The following VPS54 variants were observed in gnomAD, a reference collection of about 807,000 sequenced individuals.
The protein encoded by VPS54 is vacuolar protein sorting-associated protein 54.
VPS54 carries 45 observed loss-of-function variants against 121.5 expected under a neutral mutation model. The ratio of observed to expected loss-of-function variants is 0.37; its 90% CI spans 0.29 to 0.47. The LOEUF (loss-of-function observed/expected upper bound fraction) is 0.47. Among genes scored for constraint, VPS54 ranks in the 20% least tolerant of loss-of-function variants. The probability of loss-of-function intolerance (pLI) is 0.99; values close to 1 mark genes in which losing one functional copy is unlikely to be tolerated. For missense variants in VPS54, 1,090 were observed against 1,131.4 expected, an observed-to-expected ratio of 0.96 and a Z score of 0.52; for synonymous variants, 371 against 385.8, an observed-to-expected ratio of 0.96 and a Z score of 0.45.
At chr2:63,918,143 C>T (rs758637238) in intron 15 of VPS54, among the ~76,000 whole-genome samples, 39 of 151,936 alleles carry the variant, frequency 2.6e-4, no homozygotes, top group Non-Finnish European at 3.1e-4. Context: ...TAATAGCATA[C>T]ACCTATGCTA....
At chr2:63,948,398 A>G (rs1451718147) in intron 8 of VPS54, among the ~76,000 whole-genome samples, 1 of 149,892 alleles carries the variant, frequency 6.7e-6, no homozygotes, top group Non-Finnish European at 1.5e-5. Context: ...ACCATATGAT[A>G]ATGATCACTT....
chr2:63,946,886 C>G (rs1303486768), intron 9 of VPS54, among the ~76,000 whole-genome samples: 1 of 151,940 alleles, frequency 6.6e-6, no homozygotes, highest in East Asian at 1.9e-4. Context: ...ACTCTCTAAC[C>G]AATACTTCTA....
intron 1 of VPS54, among the ~76,000 whole-genome samples, chr2:64,018,419 T>C (rs1192582050): frequency 6.6e-6 from 1 of 152,120 alleles, no homozygotes; most frequent in Non-Finnish European, 1.5e-5. Flanking sequence ...TATGCAGAGA[T>C]GGAAGGAGGC....
intron 15 of VPS54, among the ~76,000 whole-genome samples, chr2:63,919,297 G>A (rs866519999): frequency 1.1e-4 from 16 of 151,644 alleles, no homozygotes; most frequent in Admixed American, 2.6e-4. Context: ...CTTTCTTTAC[G>A]TTTGGATTTT....
chr2:63,945,601 T>G (rs1674942524), intron 9 of VPS54, among the ~76,000 whole-genome samples: 2 of 152,200 alleles, frequency 1.3e-5, no homozygotes, highest in African/African-American at 4.8e-5. Flanking sequence ...GATTTTTATC[T>G]CTTATGTATC....
At chr2:63,972,309 G>C in intron 3 of VPS54, 65 bp from the exon 4 acceptor site, 1 of 1,263,578 alleles carries the variant, frequency 7.9e-7, no homozygotes, top group East Asian at 2.4e-5. Context: ...GCATGAAAGT[G>C]TTTTGCAACA....
intron 12 of VPS54, among the ~76,000 whole-genome samples, chr2:63,927,550 G>C (rs1575918402): frequency 6.6e-6 from 1 of 152,156 alleles, no homozygotes; most frequent in African/African-American, 2.4e-5. Context: ...CAAAAAGATG[G>C]GGAGAAACCA....
At chr2:63,955,108 G>T (rs13427671) in intron 7 of VPS54, among the ~76,000 whole-genome samples, 1 of 151,920 alleles carries the variant, frequency 6.6e-6, no homozygotes, top group African/African-American at 2.4e-5. Flanking sequence ...AAATATTTAT[G>T]AATGAAACAA....
At chr2:64,010,513 C>T (rs1250706554) in intron 1 of VPS54, among the ~76,000 whole-genome samples, 1 of 152,190 alleles carries the variant, frequency 6.6e-6, no homozygotes, top group African/African-American at 2.4e-5. Context: ...TTAATCTCAT[C>T]CTTCAGTTGG....
At chr2:63,952,901 A>G (rs1057038052) in intron 7 of VPS54, among the ~76,000 whole-genome samples, 1 of 152,108 alleles carries the variant, frequency 6.6e-6, no homozygotes, top group Non-Finnish European at 1.5e-5. Flanking sequence ...ACATACATTA[A>G]CTGCCCTACT....
chr2:63,976,295 G>A (rs2104598546), intron 3 of VPS54, among the ~76,000 whole-genome samples: 1 of 149,760 alleles, frequency 6.7e-6, no homozygotes, highest in East Asian at 1.9e-4. Flanking sequence ...AGGCTGCAGT[G>A]AGCTGTGATC....
chr2:63,924,919 G>A lies in VPS54; in HGVS notation c.1740-3584C>T, dbSNP rs572319666. ...TAAACATAAAAATCAATTCTAGATG[G>A]ATTGTAGGTCTTAATGTGAAAAAGA... On this transcript the variant is annotated intron_variant, in intron 12 of 22. Transcript: ENST00000272322. Among the ~76,000 whole-genome samples the A allele has an allele frequency of 1.5e-4, 23 of 152,282 alleles. 1 individual carries two copies. Among genetic ancestry groups the A allele is most frequent in the African/African-American group, 5.1e-4 (21 of 41,552 alleles).
chr2:64,018,253 AT>A (rs1206457550), intron 1 of VPS54, among the ~76,000 whole-genome samples: 6 of 151,810 alleles, frequency 4.0e-5, no homozygotes, highest in African/African-American at 1.5e-4. Flanking sequence ...GAAGAAAAAA[AT>A]TTTTTTTTGA....
intron 20 of VPS54, 45 bp downstream of exon 20, chr2:63,912,297 AATC>A (rs1673182599): frequency 6.9e-7 from 1 of 1,454,768 alleles, no homozygotes; most frequent in Admixed American, 2.1e-5. Context: ...TAAAATAGAA[AATC>A]ATAATGTCTT....
chr2:63,964,780 T>G (rs2104567229), intron 6 of VPS54, among the ~76,000 whole-genome samples: 1 of 152,320 alleles, frequency 6.6e-6, no homozygotes, highest in Admixed American at 6.5e-5. Context: ...GATGTCTTCC[T>G]GAGACAAGCT....
chr2:63,899,473 C>A lies in VPS54; in HGVS notation c.2733+1G>T. 1 of 1,612,590 alleles carries A rather than the reference C, an allele frequency of 6.2e-7. No individual in the cohort carries two copies. Among genetic ancestry groups the A allele is most frequent in the Non-Finnish European group, 8.5e-7 (1 of 1,179,034 alleles). Reference sequence around the variant, plus strand: ...GAATAGTTTTAGGAATTACTTCTCACCTGTGTTTGTTCTTCTGGAAGGAGA... The same window carrying A: ...GAATAGTTTTAGGAATTACTTCTCAACTGTGTTTGTTCTTCTGGAAGGAGA... On this transcript the variant is annotated splice_donor_variant, in intron 21 of 22. Transcript: ENST00000272322. LOFTEE classifies it high-confidence loss of function.
At chr2:63,964,954 ATATT>A (rs1409201943) in intron 6 of VPS54, among the ~76,000 whole-genome samples, 1 of 152,212 alleles carries the variant, frequency 6.6e-6, no homozygotes, top group Non-Finnish European at 1.5e-5. Context: ...AAAGATCTAA[ATATT>A]AAATGACTTT....
chr2:63,920,169 A>G (rs1673576173), intron 14 of VPS54, among the ~76,000 whole-genome samples, 174 bp from the exon 15 acceptor site: 1 of 152,154 alleles, frequency 6.6e-6, no homozygotes, highest in Non-Finnish European at 1.5e-5. Flanking sequence ...ATCTCAGCCT[A>G]ATCAAAAAGA....
intron 11 of VPS54, among the ~76,000 whole-genome samples, chr2:63,938,059 GGTGTGTGTGT>G (rs1553475195): frequency 7.1e-6 from 1 of 140,382 alleles, no homozygotes; most frequent in African/African-American, 2.8e-5. Context: ...TGGTGTGTGT[GGTGTGTGTGT>G]GTGTGTGTGT....
Sources: gnomAD v4.1 joint callset for allele counts (sites outside exome capture counted in the v4.1 genomes callset) on GRCh38, gnomAD v4.1.1 for gene constraint, MANE v1.5 for transcripts, NCBI Gene and HGNC (gene_info 2026-07-23, HGNC 2026-07-21) for gene names.